NBAS: variants seen among roughly 807,000 people sequenced by gnomAD.
The protein encoded by NBAS is NAG/BC035112 fusion.
Under a neutral mutation model 302.5 loss-of-function variants are expected in NBAS, and 219 were observed. The observed-to-expected ratio is 0.72, with a 90% CI of 0.65 to 0.81. NBAS has a LOEUF of 0.81. Among genes scored for constraint, NBAS ranks in the 30% least tolerant of loss-of-function variants. NBAS has a pLI of 0.00. For missense variants in NBAS, 2,932 were observed against 2,841.6 expected, an observed-to-expected ratio of 1.03 and a Z score of -0.72; for synonymous variants, 1,118 against 1,021.6, an observed-to-expected ratio of 1.09 and a Z score of -1.80.
At chr2:15,085,380 T>C in the NBAS span, among the ~76,000 whole-genome samples, 7,554 of 151,850 alleles carry the variant, frequency 0.05, 412 homozygotes, top group African/African-American at 0.12. Context: ...CTGCCCTGCG[T>C]GGAAGTGACC....
At chr2:15,363,667 T>C (rs548521863) in intron 32 of NBAS, among the ~76,000 whole-genome samples, 2 of 152,320 alleles carry the variant, frequency 1.3e-5, no homozygotes, top group Admixed American at 1.3e-4. Flanking sequence ...AAGAAGGAAC[T>C]GAGATAAGTA....
the NBAS span, among the ~76,000 whole-genome samples, chr2:15,008,387 C>G: frequency 2.6e-5 from 4 of 152,242 alleles, no homozygotes; most frequent in Non-Finnish European, 5.9e-5. Flanking sequence ...CCAGTTCTCT[C>G]CCATGGTTCC....
At chr2:15,256,850 A>G (rs1668623658) in intron 44 of NBAS, among the ~76,000 whole-genome samples, 1 of 152,178 alleles carries the variant, frequency 6.6e-6, no homozygotes, top group Admixed American at 6.5e-5. Flanking sequence ...TTTATGTGAT[A>G]TATCACATTT....
At chr2:15,335,005 G>T (rs540342412) in intron 35 of NBAS, among the ~76,000 whole-genome samples, 1 of 151,978 alleles carries the variant, frequency 6.6e-6, no homozygotes, top group East Asian at 1.9e-4. Flanking sequence ...GTACTCTTTT[G>T]TTCTGATTTC....
At chr2:14,838,079 C>T in the NBAS span, among the ~76,000 whole-genome samples, 9 of 151,764 alleles carry the variant, frequency 5.9e-5, no homozygotes, top group African/African-American at 2.2e-4. Context: ...ACTTATTTTG[C>T]CTGCTTGAGT....
At chr2:15,497,464 C>A (rs201441276) in intron 11 of NBAS, among the ~76,000 whole-genome samples, 2 of 152,060 alleles carry the variant, frequency 1.3e-5, no homozygotes, top group East Asian at 3.8e-4. Context: ...GGATGAAGGA[C>A]TGGCTAGTGT....
chr2:14,958,251 G>T, the NBAS span, among the ~76,000 whole-genome samples: 1 of 152,240 alleles, frequency 6.6e-6, no homozygotes, highest in Non-Finnish European at 1.5e-5. Context: ...GGAGACCCGG[G>T]TCCTGGCCTC....
At chr2:15,505,282 A>G (rs1319998928) in intron 10 of NBAS, among the ~76,000 whole-genome samples, 2 of 152,250 alleles carry the variant, frequency 1.3e-5, no homozygotes, top group East Asian at 3.9e-4. Flanking sequence ...TCCATCTAAA[A>G]CCAAAACTAC....
intron 38 of NBAS, among the ~76,000 whole-genome samples, chr2:15,313,315 G>A (rs1178418877): frequency 6.6e-6 from 1 of 152,090 alleles, no homozygotes; most frequent in African/African-American, 2.4e-5. Flanking sequence ...ATGCTCTGAG[G>A]AGCCAAACAT....
intron 14 of NBAS, among the ~76,000 whole-genome samples, chr2:15,474,920 T>C (rs1680123431): frequency 6.6e-6 from 1 of 152,222 alleles, no homozygotes; most frequent in Non-Finnish European, 1.5e-5. Flanking sequence ...TATCAGGTCT[T>C]GTACCTGATA....
At chr2:14,875,098 A>T in the NBAS span, among the ~76,000 whole-genome samples, 16 of 152,202 alleles carry the variant, frequency 1.1e-4, no homozygotes, top group Non-Finnish European at 2.4e-4. Context: ...ATGAATATAC[A>T]ATCTCGCCAC....
At chr2:15,057,326 A>AAAAT in the NBAS span, among the ~76,000 whole-genome samples, 1 of 151,614 alleles carries the variant, frequency 6.6e-6, no homozygotes, top group African/African-American at 2.4e-5. Flanking sequence ...AAAAAAAAAA[A>AAAAT]ACTGTTGCAG....
the NBAS span, among the ~76,000 whole-genome samples, chr2:14,909,818 G>A: frequency 4.6e-5 from 7 of 152,210 alleles, no homozygotes; most frequent in African/African-American, 1.7e-4. Context: ...GTGAGGGCCA[G>A]TGGCACCCAC....
intron 38 of NBAS, among the ~76,000 whole-genome samples, chr2:15,319,018 C>T (rs1235597041): frequency 1.3e-5 from 2 of 152,000 alleles, no homozygotes; most frequent in Non-Finnish European, 1.5e-5. Flanking sequence ...CCTCAGCAAA[C>T]GTAAAAGAAC....
chr2:14,788,762 G>T, the NBAS span, among the ~76,000 whole-genome samples: 1 of 152,186 alleles, frequency 6.6e-6, no homozygotes, highest in Non-Finnish European at 1.5e-5. Flanking sequence ...TCCCAGTTAG[G>T]CTGCTCGGGG....
the NBAS span, among the ~76,000 whole-genome samples, chr2:15,007,649 C>A: frequency 2.6e-5 from 4 of 152,154 alleles, no homozygotes; most frequent in Non-Finnish European, 5.9e-5. Flanking sequence ...AGATTGTCAT[C>A]TGGGAAACTG....
the NBAS span, among the ~76,000 whole-genome samples, chr2:14,858,734 T>C: frequency 2.4e-4 from 36 of 152,024 alleles, no homozygotes; most frequent in East Asian, 6.6e-3. Flanking sequence ...CTTAGAAAGA[T>C]TGAATAAGAA....
At chr2:15,098,627 G>GTATATAATGTATTATATACAT in the NBAS span, among the ~76,000 whole-genome samples, 1 of 94,744 alleles carries the variant, frequency 1.1e-5, no homozygotes, top group African/African-American at 5.0e-5. Flanking sequence ...ATTATATATT[G>GTATATAATGTATTATATACAT]TATATTATAT....
the NBAS span, among the ~76,000 whole-genome samples, chr2:15,017,654 G>T: frequency 6.6e-6 from 1 of 151,942 alleles, no homozygotes; most frequent in South Asian, 2.1e-4. Flanking sequence ...ATATCAAAAA[G>T]ACATAAAAAG....
Sources: gnomAD v4.1 joint callset for allele counts (sites outside exome capture counted in the v4.1 genomes callset) on GRCh38, gnomAD v4.1.1 for gene constraint, MANE v1.5 for transcripts, NCBI Gene and HGNC (gene_info 2026-07-23, HGNC 2026-07-21) for gene names.